STK24: variants seen among roughly 807,000 people sequenced by gnomAD.
STK24 encodes serine/threonine-protein kinase 24.
STK24 carries 21 observed loss-of-function variants against 55.6 expected under a neutral mutation model. The observed-to-expected ratio is 0.38, with a 90% CI of 0.27 to 0.54. The LOEUF (loss-of-function observed/expected upper bound fraction) is 0.54. Among genes scored for constraint, STK24 ranks in the 20% least tolerant of loss-of-function variants. STK24 has a pLI of 0.79. For synonymous variants in STK24, 200 were observed against 215.2 expected (o/e 0.93, Z 0.62); for missense variants, 383 against 538.4 (o/e 0.71, Z 2.86).
At chr13:98,566,888 C>A (rs914361361) in intron 1 of STK24, among the ~76,000 whole-genome samples, 1 of 152,178 alleles carries the variant, frequency 6.6e-6, no homozygotes, top group Non-Finnish European at 1.5e-5. Flanking sequence ...TCAAGCAATA[C>A]CTTTCTTCAT....
intron 1 of STK24, among the ~76,000 whole-genome samples, chr13:98,539,183 G>T (rs1043659690): frequency 2.0e-5 from 3 of 152,200 alleles, no homozygotes; most frequent in Non-Finnish European, 4.4e-5. Context: ...TCTTCCATGG[G>T]TGGGTTCAGC....
intron 3 of STK24, among the ~76,000 whole-genome samples, chr13:98,476,648 T>A (rs1186713444): frequency 6.6e-6 from 1 of 152,176 alleles, no homozygotes; most frequent in East Asian, 1.9e-4. Flanking sequence ...CTGTTCCACA[T>A]CCGGAAGTAC....
At chr13:98,516,310 A>G (rs977798454) in intron 2 of STK24, among the ~76,000 whole-genome samples, 1 of 152,216 alleles carries the variant, frequency 6.6e-6, no homozygotes, top group African/African-American at 2.4e-5. Context: ...CTTGTGGCAG[A>G]TACTCCCTAA....
chr13:98,542,238 T>C (rs964836630), intron 1 of STK24, among the ~76,000 whole-genome samples: 7 of 152,194 alleles, frequency 4.6e-5, no homozygotes, highest in African/African-American at 1.2e-4. Flanking sequence ...TTTTAAAGCA[T>C]TGTAAATGGG....
intron 1 of STK24, among the ~76,000 whole-genome samples, chr13:98,558,064 C>T (rs551196535): frequency 1.3e-5 from 2 of 152,232 alleles, no homozygotes; most frequent in Non-Finnish European, 2.9e-5. Flanking sequence ...GCATTTTTTC[C>T]CATTGAAATG....
chr13:98,494,501 A>G (rs1186033634), intron 2 of STK24, among the ~76,000 whole-genome samples: 2 of 151,826 alleles, frequency 1.3e-5, no homozygotes, highest in Non-Finnish European at 2.9e-5. Context: ...TGTATTTCAA[A>G]TGCATGGGTG....
At position 98,445,952 on chromosome 13, in the gene STK24, C is replaced by G; in HGVS notation, c.*7221G>C. On this transcript the variant is annotated 3_prime_UTR_variant, in exon 11 of 11. Coordinates refer to ENST00000539966, the MANE Select transcript of STK24 (RefSeq NM_001032296.4). The stretch of plus-strand genomic sequence containing the variant: ...GGGTCCCAGGACCTGCCAAGTCTCC[C>G]CACACACGGGGGAGCGGGGGTGGGG... 1.7e-6 allele frequency: 1 copy of G among 599,252 alleles called. No homozygotes were observed. Among genetic ancestry groups the G allele is most frequent in the Non-Finnish European group, 3.0e-6 (1 of 333,180 alleles). The allele number at this position is 599,252 out of a possible 1,614,324, so 37.1% of individuals were successfully genotyped here. A position where few individuals can be genotyped will look rare whatever the true frequency, so the allele number is the denominator to read the frequency against.
At chr13:98,563,082 A>AATGC in intron 1 of STK24, among the ~76,000 whole-genome samples, 1 of 152,174 alleles carries the variant, frequency 6.6e-6, no homozygotes, top group Non-Finnish European at 1.5e-5. Context: ...CATACACAGT[A>AATGC]ATGCATCCCA....
In STK24 at chr13:98,446,515, G is replaced by T; in HGVS notation, c.*6658C>A. 1 of 766,578 alleles carries T rather than the reference G, an allele frequency of 1.3e-6. No homozygotes were observed. The highest frequency in any genetic ancestry group is 2.1e-6 in the Non-Finnish European group (1 of 467,192). 47.5% of individuals were successfully genotyped at this position (766,578 alleles called of 1,614,324 possible). On this transcript the variant is annotated 3_prime_UTR_variant, in exon 11 of 11. Transcript: ENST00000539966. ...TTGCCACCCGGGCCATCACGTACAG[G>T]CAAACACTGGCTGCCATGGTCCCTT...
At position 98,471,287 on chromosome 13, in the gene STK24, T is replaced by A. The variant is rs1277514391; in HGVS notation, c.597+3534A>T. ...CACTCATCTTCAACAATGCTATTTT[T>A]TTCCATCAATGCATCACCAGTTTCC... On this transcript the variant is annotated intron_variant, in intron 5 of 10. Transcript: ENST00000539966. Among the ~76,000 whole-genome samples the A allele has an allele frequency of 3.9e-5, 6 of 152,236 alleles. No homozygotes were observed. In the South Asian group the frequency reaches 1.2e-3, roughly 32 times the overall value.
At chr13:98,497,870 C>T (rs1895306062) in intron 2 of STK24, among the ~76,000 whole-genome samples, 1 of 152,208 alleles carries the variant, frequency 6.6e-6, no homozygotes, top group Non-Finnish European at 1.5e-5. Flanking sequence ...AACACTAACT[C>T]TCTAAAGGAA....
intron 2 of STK24, among the ~76,000 whole-genome samples, chr13:98,514,680 A>C (rs1895994878): frequency 6.6e-6 from 1 of 152,232 alleles, no homozygotes; most frequent in East Asian, 1.9e-4. Context: ...AAGAAATTTG[A>C]AAAGCACAGC....
chr13:98,563,180 T>C (rs1355320441), intron 1 of STK24, among the ~76,000 whole-genome samples: 1 of 152,092 alleles, frequency 6.6e-6, no homozygotes, highest in Non-Finnish European at 1.5e-5. Flanking sequence ...TCCAGGGAAA[T>C]GAAATCCCAT....
At chr13:98,481,814 T>C (rs547086895) in intron 3 of STK24, among the ~76,000 whole-genome samples, 9 of 152,256 alleles carry the variant, frequency 5.9e-5, no homozygotes, top group East Asian at 1.9e-4. Flanking sequence ...TTTGGGAGGC[T>C]GAGAGCGGGG....
intron 2 of STK24, among the ~76,000 whole-genome samples, chr13:98,515,637 G>C (rs577052536): frequency 6.6e-6 from 1 of 152,238 alleles, no homozygotes; most frequent in South Asian, 2.1e-4. Flanking sequence ...CACTGCTACT[G>C]TCAAAATTAA....
At chr13:98,575,050 A>G (rs529063337) in intron 1 of STK24, among the ~76,000 whole-genome samples, 212 of 152,330 alleles carry the variant, frequency 1.4e-3, no homozygotes, top group African/African-American at 4.9e-3. Flanking sequence ...ATATCAACCT[A>G]AAGGAAATAT....
intron 1 of STK24, 55 bp downstream of exon 1, chr13:98,576,690 G>T (rs929414605): frequency 2.8e-6 from 4 of 1,415,916 alleles, no homozygotes; most frequent in African/African-American, 1.5e-5. Context: ...ATACCGCCAA[G>T]TTGCTGCTTC....
At chr13:98,486,350 A>G (rs1894807324) in intron 2 of STK24, among the ~76,000 whole-genome samples, 2 of 152,202 alleles carry the variant, frequency 1.3e-5, no homozygotes, top group African/African-American at 2.4e-5. Flanking sequence ...CATGGGCGCC[A>G]GAAGAGGGCC....
rs763223136 is a variant in STK24 at position 98,446,681 on chromosome 13, G to A, written c.*6492C>T. 23 of 1,613,978 alleles carry A rather than the reference G, an allele frequency of 1.4e-5. No individual in the cohort carries two copies. In the East Asian group the frequency reaches 4.5e-4, roughly 31 times the overall value. ...CCCTTTCCAGGACAATCATCCCCTTGCCAGCCTGCCTCTGCTCGGCTACTC... is the reference window on the plus strand; with the variant it reads ...CCCTTTCCAGGACAATCATCCCCTTACCAGCCTGCCTCTGCTCGGCTACTC... On this transcript the variant is annotated 3_prime_UTR_variant, in exon 11 of 11. Transcript: ENST00000539966.
Sources: gnomAD v4.1 joint callset for allele counts (sites outside exome capture counted in the v4.1 genomes callset) on GRCh38, gnomAD v4.1.1 for gene constraint, MANE v1.5 for transcripts, NCBI Gene and HGNC (gene_info 2026-07-23, HGNC 2026-07-21) for gene names.